The following CCDC13 variants were observed in gnomAD, a reference collection of about 807,000 sequenced individuals.
CCDC13 encodes the protein coiled-coil domain containing 13, also known as coiled-coil domain-containing protein 13.
Under a neutral mutation model 87.3 loss-of-function variants are expected in CCDC13, and 70 were observed. The ratio of observed to expected loss-of-function variants is 0.80; its 90% CI spans 0.66 to 0.98. CCDC13 has a LOEUF of 0.98. Among genes scored for constraint, CCDC13 ranks in the 50% least tolerant of loss-of-function variants. The pLI, the probability that CCDC13 is intolerant of heterozygous loss-of-function variation, is 0.00. For synonymous variants in CCDC13, 317 were observed against 360.3 expected, an observed-to-expected ratio of 0.88 and a Z score of 1.36; for missense variants, 842 against 892.0, an observed-to-expected ratio of 0.94 and a Z score of 0.71.
chr3:42,708,779 A>G lies in CCDC13; in HGVS notation c.*201T>C, dbSNP rs1698233412. 1 of 515,776 alleles carries G rather than the reference A, an allele frequency of 1.9e-6. No individual in the cohort carries two copies. The allele number at this position is 515,776 out of a possible 1,614,324, so 31.9% of individuals were successfully genotyped here. A position where few individuals can be genotyped will look rare whatever the true frequency, so the allele number is the denominator to read the frequency against. On this transcript the variant is annotated 3_prime_UTR_variant, in exon 16 of 16. Transcript: ENST00000310232. ...ACCCAGCCAGCCCAGGGTCTCCTGC[A>G]GTGTCCCACCAGGGCTTCTCTTCTG...
At chr3:42,755,452 C>G (rs1021379580) in intron 3 of CCDC13, among the ~76,000 whole-genome samples, 1 of 152,026 alleles carries the variant, frequency 6.6e-6, no homozygotes, top group Non-Finnish European at 1.5e-5. Context: ...ACTAAAAATA[C>G]AAAAATTAGC....
chr3:42,753,881 G>A (rs1311146391), intron 3 of CCDC13, among the ~76,000 whole-genome samples: 2 of 152,200 alleles, frequency 1.3e-5, no homozygotes, highest in Non-Finnish European at 2.9e-5. Context: ...GCAAAGGAAG[G>A]AGGCTGTGGA....
At chr3:42,742,506 G>A (rs557042255) in intron 8 of CCDC13, among the ~76,000 whole-genome samples, 14 of 152,218 alleles carry the variant, frequency 9.2e-5, no homozygotes, top group African/African-American at 2.6e-4. Flanking sequence ...AGTGAGATGC[G>A]GCCCCTGGTG....
At chr3:42,748,915 C>T (rs2125902046) in intron 5 of CCDC13, among the ~76,000 whole-genome samples, 1 of 152,238 alleles carries the variant, frequency 6.6e-6, no homozygotes, top group Non-Finnish European at 1.5e-5. Context: ...ACCACCATGC[C>T]TGGCTAATTT....
chr3:42,739,704 G>T lies in CCDC13; in HGVS notation c.1094C>A (p.Thr365Asn). 3 of 1,614,202 alleles carry T rather than the reference G, an allele frequency of 1.9e-6. No homozygotes were observed. The South Asian group carries it at 3.3e-5, about 18-fold the overall frequency. Residue 365 changes from threonine to asparagine, a missense_variant, in exon 9 of 16, where the codon ACC (threonine) becomes AAC (asparagine). Transcript: ENST00000310232. ...CAGGGTTCCCATCTGACTCTTGAGG[G>T]TCTTCATCTCACTTGACAGCAGCTT... ...RNKLLSSEMKTLKSQMGTLVE... is the reference protein window; with the variant it reads ...RNKLLSSEMKNLKSQMGTLVE...
intron 6 of CCDC13, chr3:42,746,892 G>C (rs1699412081): frequency 5.4e-6 from 2 of 369,364 alleles, no homozygotes; most frequent in African/African-American, 2.1e-5. Flanking sequence ...AGTTAAGTAA[G>C]GGTGACATTA....
downstream of CCDC13, among the ~76,000 whole-genome samples, chr3:42,705,735 G>C (rs1475003927): frequency 6.6e-6 from 1 of 152,168 alleles, no homozygotes; most frequent in East Asian, 1.9e-4. Context: ...TGCTACCCAG[G>C]AGAGGCACTG....
At chr3:42,761,920 C>A (rs900322228) in intron 1 of CCDC13, among the ~76,000 whole-genome samples, 3 of 152,230 alleles carry the variant, frequency 2.0e-5, no homozygotes, top group Non-Finnish European at 2.9e-5. Context: ...GAGGAATACT[C>A]TACCTACCCA....
intron 13 of CCDC13, among the ~76,000 whole-genome samples, chr3:42,729,713 C>G (rs757194507): frequency 7.9e-5 from 12 of 152,246 alleles, no homozygotes; most frequent in Non-Finnish European, 1.6e-4. Flanking sequence ...CTCTCCTGCT[C>G]TCTGCATTGG....
rs1473607321 is a variant in CCDC13, at chr3:42,707,446, G to A, written c.*1534C>T. 1.3e-5 allele frequency among the ~76,000 whole-genome samples: 2 copies of A among 152,166 alleles called. No homozygotes were observed. The highest frequency in any genetic ancestry group is 4.8e-5 in the African/African-American group (2 of 41,442). ...CCGTGTGACCCCATGCAGGGTCAGG[G>A]GCTCCCTGAGGAGTGGGGGCCAGCT... On this transcript the variant is annotated 3_prime_UTR_variant, in exon 16 of 16. Coordinates refer to ENST00000310232, the MANE Select transcript of CCDC13 (RefSeq NM_144719.4).
rs373391280 is a variant in CCDC13 at position 42,709,764 on chromosome 3, G to C, written c.1908C>G (p.Thr636=). The part of the protein sequence containing the change: ...LPTSNNRHNP[T]GSEKKDPSFA... ...AGGATGGGTCCTTCTTCTCGCTCCC[G>C]GTTGGGTTGTGCCTGTTGTTAGAGG... is the stretch of plus-strand genomic sequence containing the variant. Residue 636 remains threonine (T), a synonymous_variant, in exon 15 of 16, where the codon ACC becomes ACG. Coordinates refer to ENST00000310232, the MANE Select transcript of CCDC13 (RefSeq NM_144719.4). 3 of 1,614,172 alleles carry C rather than the reference G, an allele frequency of 1.9e-6. No homozygotes were observed. The highest frequency in any genetic ancestry group is 2.2e-5 in the South Asian group (2 of 91,082).
rs897901749 is a variant in CCDC13 at position 42,752,764 on chromosome 3, C to T, written c.371-47G>A. ...GGTCAATTAAAAACACAGGCATACA[C>T]ATCAAACTCATGCTCCACCACTAAC... is the stretch of plus-strand genomic sequence containing the variant. On this transcript the variant is annotated intron_variant, in intron 3 of 15. Transcript: ENST00000310232. 3.7e-6 allele frequency: 6 copies of T among 1,603,288 alleles called. No homozygotes were observed. In the Admixed American group the frequency reaches 8.4e-5, roughly 22 times the overall value.
intron 2 of CCDC13, 25 bp downstream of exon 2, chr3:42,758,098 CCT>C (rs778659186): frequency 6.4e-7 from 1 of 1,567,878 alleles, no homozygotes; most frequent in Non-Finnish European, 8.8e-7. Context: ...CACACACACC[CCT>C]GAGAGATTTC....
chr3:42,743,558 C>G (rs1005430437), intron 7 of CCDC13, among the ~76,000 whole-genome samples: 5 of 118,692 alleles, frequency 4.2e-5, no homozygotes, highest in Non-Finnish European at 1.7e-5. Flanking sequence ...GCTGGGACCA[C>G]AGGCACAGGC....
rs1262534482 is a variant in CCDC13, at chr3:42,708,137, G to A, written c.*843C>T. The A allele has an allele frequency of 2.0e-5, 3 of 152,166 alleles. No homozygotes were observed. The highest frequency in any genetic ancestry group is 6.5e-5 in the Admixed American group (1 of 15,280). The allele number at this position is 152,166 out of a possible 1,614,324, so 9.4% of individuals were successfully genotyped here. On this transcript the variant is annotated 3_prime_UTR_variant, in exon 16 of 16. Transcript: ENST00000310232. ...TCAGCAGTCTTGGTGAGCAAACAAA[G>A]ATGCCTCTTGGAGCTGCTGCCTAGG...
chr3:42,746,289 C>A (rs1374372799), intron 6 of CCDC13: 1 of 441,152 alleles, frequency 2.3e-6, no homozygotes, highest in East Asian at 4.0e-5. Context: ...GATAGGGCCC[C>A]TTGCTCTTGA....
intron 13 of CCDC13, among the ~76,000 whole-genome samples, chr3:42,726,146 G>A (rs908727694): frequency 2.0e-5 from 3 of 152,096 alleles, no homozygotes; most frequent in African/African-American, 7.2e-5. Context: ...CCAGGTTCAA[G>A]CAATTCTGCT....
chr3:42,766,470 T>C (rs1431258474), intron 1 of CCDC13, among the ~76,000 whole-genome samples: 1 of 151,912 alleles, frequency 6.6e-6, no homozygotes, highest in African/African-American at 2.4e-5. Context: ...ACAGCGAGTT[T>C]TGCAGCAAAG....
At chr3:42,716,949 A>C (rs1698444610) in intron 13 of CCDC13, among the ~76,000 whole-genome samples, 1 of 152,252 alleles carries the variant, frequency 6.6e-6, no homozygotes, top group South Asian at 2.1e-4. Flanking sequence ...ATAGATTGAC[A>C]AAATGTGGTA....
Sources: allele counts gnomAD v4.1 joint callset (sites outside exome capture counted in the v4.1 genomes callset), GRCh38; gene constraint gnomAD v4.1.1; transcripts MANE v1.5; gene names NCBI Gene and HGNC (gene_info 2026-07-23, HGNC 2026-07-21).